SEC63: variants seen among roughly 807,000 people sequenced by gnomAD.
SEC63 encodes translocation protein SEC63 homolog.
In SEC63, 56 loss-of-function variants were observed where a neutral mutation model predicts 116.2. The ratio of observed to expected loss-of-function variants is 0.48; its 90% CI spans 0.39 to 0.60. The LOEUF is 0.60. SEC63 is among the 20% of genes least tolerant of loss of function. The probability of loss-of-function intolerance (pLI) is 0.00; values close to 1 mark genes in which losing one functional copy is unlikely to be tolerated. For missense variants in SEC63, 668 were observed against 900.0 expected (o/e 0.74, Z 3.30); for synonymous variants, 273 against 294.6 (o/e 0.93, Z 0.75).
chr6:107,934,556 G>A (rs1321156779), intron 1 of SEC63, among the ~76,000 whole-genome samples: 3 of 141,550 alleles, frequency 2.1e-5, no homozygotes, highest in African/African-American at 8.0e-5. Context: ...CCCTACGCCT[G>A]GCAGCCACCC....
chr6:107,952,993 C>T (rs2114521973), intron 1 of SEC63, among the ~76,000 whole-genome samples: 1 of 152,282 alleles, frequency 6.6e-6, no homozygotes, highest in South Asian at 2.1e-4. Context: ...GGAACAGTGG[C>T]TCACGCCTGT....
Position 107,869,392 on chromosome 6 carries a change from A to G in SEC63, c.*2312T>C, listed in dbSNP as rs1016290939. 5 of 152,210 alleles carry G rather than the reference A, an allele frequency of 3.3e-5. No individual in the cohort carries two copies. The highest frequency in any genetic ancestry group is 7.3e-5 in the Non-Finnish European group (5 of 68,044). The allele number at this position is 152,210 out of a possible 1,614,324, so 9.4% of individuals were successfully genotyped here. ...TAATAGGTACTTTACCAATTAGAGAAAAATATCACATAATTTAACTGTTTC... is the reference window on the plus strand; with the variant it reads ...TAATAGGTACTTTACCAATTAGAGAGAAATATCACATAATTTAACTGTTTC... On this transcript the variant is annotated 3_prime_UTR_variant, in exon 21 of 21. Transcript: ENST00000369002.
In SEC63 at chr6:107,879,470, C is replaced by T. The variant is rs193096358; in HGVS notation, c.1935+1679G>A. Among the ~76,000 whole-genome samples, 108 of 152,300 alleles carry T rather than the reference C, an allele frequency of 7.1e-4. No homozygotes were observed. The East Asian group carries it at 8.5e-3, about 12-fold the overall frequency. The stretch of plus-strand genomic sequence containing the variant: ...GCCTCCTGAGTGGTGGGATTACAGG[C>T]ATGTGACACCATGCCCAGCCAATTT... On this transcript the variant is annotated intron_variant, in intron 18 of 20. Coordinates refer to ENST00000369002, the MANE Select transcript of SEC63 (RefSeq NM_007214.5).
At chr6:107,937,655 C>T (rs992609431) in intron 1 of SEC63, among the ~76,000 whole-genome samples, 1 of 152,136 alleles carries the variant, frequency 6.6e-6, no homozygotes, top group Non-Finnish European at 1.5e-5. Flanking sequence ...GTTTACATTC[C>T]CACCAGCAGC....
At chr6:107,939,648 G>A (rs544180285) in intron 1 of SEC63, among the ~76,000 whole-genome samples, 1 of 152,070 alleles carries the variant, frequency 6.6e-6, no homozygotes, top group Admixed American at 6.6e-5. Flanking sequence ...GGATGCTGAA[G>A]CAGGAGAACC....
At chr6:107,902,776 T>G (rs898040212) in intron 12 of SEC63, 68 bp downstream of exon 12, 3 of 1,472,760 alleles carry the variant, frequency 2.0e-6, no homozygotes, top group African/African-American at 2.8e-5. Flanking sequence ...CAGAAAACTT[T>G]TATTCATGTT....
intron 16 of SEC63, among the ~76,000 whole-genome samples, chr6:107,884,239 T>C (rs986214731): frequency 9.1e-6 from 1 of 110,160 alleles, no homozygotes; most frequent in African/African-American, 3.2e-5. Flanking sequence ...TAACAGAGCA[T>C]GACTCTGTCT....
In SEC63 at chr6:107,906,451, C is replaced by G. The variant is rs749842172; in HGVS notation, c.958G>C (p.Glu320Gln). The part of the protein sequence containing the change: ...ARMKIPETLE[E>Q]DQQFMLKKCP... ...TAGATACCGGAATCACAAATACCTT[C>G]TTCAAGGGTCTCAGGAATTTTCATT... is the stretch of plus-strand genomic sequence containing the variant. Residue 320 changes from glutamate (E) to glutamine (Q), a missense_variant, in exon 10 of 21, where the codon GAA becomes CAA. Glu to Gln is a conservative substitution (Grantham distance 29). Around this residue, in one of 5 missense-constraint regions of SEC63, gnomAD observed 430 missense variants for 557.5 expected, o/e 0.77. Transcript: ENST00000369002. 1.2e-6 allele frequency: 2 copies of G among 1,614,152 alleles called. No individual in the cohort carries two copies. Among genetic ancestry groups the G allele is most frequent in the Admixed American group, 3.3e-5 (2 of 60,024 alleles).
intron 4 of SEC63, among the ~76,000 whole-genome samples, chr6:107,920,867 A>G (rs977715920): frequency 5.3e-5 from 8 of 152,222 alleles, no homozygotes; most frequent in African/African-American, 9.6e-5. Context: ...ATACACAGAC[A>G]TATGTGTGTG....
At chr6:107,936,634 G>A (rs1237711721) in intron 1 of SEC63, among the ~76,000 whole-genome samples, 1 of 152,190 alleles carries the variant, frequency 6.6e-6, no homozygotes, top group Non-Finnish European at 1.5e-5. Context: ...GCTGTCAGCA[G>A]CCGAACTTTA....
In SEC63 at chr6:107,869,483, T is replaced by A. The variant is rs1583715085; in HGVS notation, c.*2221A>T. 1 of 152,286 alleles carries A rather than the reference T, an allele frequency of 6.6e-6. No individual in the cohort carries two copies. The highest frequency in any genetic ancestry group is 1.9e-4 in the East Asian group (1 of 5,186). The allele number at this position is 152,286 out of a possible 1,614,324, so 9.4% of individuals were successfully genotyped here. A position where few individuals can be genotyped will look rare whatever the true frequency, so the allele number is the denominator to read the frequency against. On this transcript the variant is annotated 3_prime_UTR_variant, in exon 21 of 21. Coordinates refer to ENST00000369002, the MANE Select transcript of SEC63 (RefSeq NM_007214.5). ...AATTGTTGACAAAATGTCAGTTTCT[T>A]TATAGGAAGAAAATTGAAACTTTGC...
chr6:107,946,531 T>A (rs188042506), intron 1 of SEC63, among the ~76,000 whole-genome samples: 1 of 152,270 alleles, frequency 6.6e-6, no homozygotes, highest in African/African-American at 2.4e-5. Context: ...TAATCTAATG[T>A]TTGTCACCAC....
intron 1 of SEC63, among the ~76,000 whole-genome samples, chr6:107,933,036 T>C (rs1787848104): frequency 6.6e-6 from 1 of 152,024 alleles, no homozygotes; most frequent in African/African-American, 2.4e-5. Context: ...AGGAAGATTA[T>C]CATAGAAGGA....
At position 107,893,470 on chromosome 6, in the gene SEC63, T is replaced by C. The variant is rs749807392; in HGVS notation, c.1674+12A>G. The C allele has an allele frequency of 5.6e-6, 9 of 1,609,188 alleles. No individual in the cohort carries two copies. The South Asian group carries it at 8.8e-5, about 16-fold the overall frequency. ...AGCTTAATAATGATAATAACGATAA[T>C]AATAAACTTACATTCCCAACGACTC... On this transcript the variant is annotated intron_variant, in intron 16 of 20. Transcript: ENST00000369002.
intron 1 of SEC63, among the ~76,000 whole-genome samples, chr6:107,934,279 C>A (rs531313738): frequency 1.3e-5 from 2 of 151,538 alleles, no homozygotes; most frequent in South Asian, 2.1e-4. Flanking sequence ...AAGTGAGGAG[C>A]GTCTCTGCCC....
chr6:107,913,306 GT>G (rs1787328682), intron 5 of SEC63, 59 bp downstream of exon 5: 1 of 1,058,690 alleles, frequency 9.4e-7, no homozygotes, highest in African/African-American at 1.6e-5. Flanking sequence ...CTTTAATCTG[GT>G]TAACATTTTT....
At chr6:107,876,465 C>A (rs1786268680) in intron 19 of SEC63, 99 bp downstream of exon 19, 1 of 804,406 alleles carries the variant, frequency 1.2e-6, no homozygotes, top group South Asian at 1.4e-5. Flanking sequence ...ATACAATATG[C>A]TAAATATGAT....
intron 4 of SEC63, among the ~76,000 whole-genome samples, chr6:107,921,297 A>T (rs937424072): frequency 1.3e-5 from 2 of 152,186 alleles, no homozygotes; most frequent in Non-Finnish European, 2.9e-5. Context: ...CACTTAATTT[A>T]ATCAAGTTTA....
chr6:107,868,672 T>C lies in SEC63; in HGVS notation c.*3032A>G, dbSNP rs923296669. Reference sequence around the variant, plus strand: ...ATTCTTCTGCCTACAGTAGATAGACTAAAAAAAAAAAAAGGCATTCCAAAT... The same window carrying C: ...ATTCTTCTGCCTACAGTAGATAGACCAAAAAAAAAAAAAGGCATTCCAAAT... On this transcript the variant is annotated 3_prime_UTR_variant, in exon 21 of 21. Coordinates refer to ENST00000369002, the MANE Select transcript of SEC63 (RefSeq NM_007214.5). 6 of 136,936 alleles carry C rather than the reference T, an allele frequency of 4.4e-5. No homozygotes were observed. Among genetic ancestry groups the C allele is most frequent in the Admixed American group, 7.3e-5 (1 of 13,636 alleles). The allele number at this position is 136,936 out of a possible 1,614,324, so 8.5% of individuals were successfully genotyped here. A position where few individuals can be genotyped will look rare whatever the true frequency, so the allele number is the denominator to read the frequency against.
Sources: allele counts gnomAD v4.1 joint callset (sites outside exome capture counted in the v4.1 genomes callset), GRCh38; gene constraint gnomAD v4.1.1; regional missense constraint gnomAD v4.1.1; transcripts MANE v1.5; gene names NCBI Gene and HGNC (gene_info 2026-07-23, HGNC 2026-07-21).